CPNE4: variants seen among roughly 807,000 people sequenced by gnomAD.
CPNE4 encodes the protein copine 4, also known as copine-4.
Under a neutral mutation model 67.9 loss-of-function variants are expected in CPNE4, and 25 were observed. The ratio of observed to expected loss-of-function variants is 0.37; its 90% confidence interval spans 0.27 to 0.51. CPNE4 has a LOEUF of 0.51. Ranked by LOEUF, CPNE4 falls within the 20% of genes least tolerant of loss-of-function variation. The pLI is 0.93. For synonymous variants in CPNE4, 242 were observed against 244.9 expected, an observed-to-expected ratio of 0.99 and a Z score of 0.11; for missense variants, 464 against 690.8, an observed-to-expected ratio of 0.67 and a Z score of 3.68.
At position 131,740,224 on chromosome 3, in the gene CPNE4, A is replaced by G. The variant is rs1311179086; in HGVS notation, c.181-16599T>C. Among the ~76,000 whole-genome samples the G allele has an allele frequency of 2.0e-5, 3 of 152,308 alleles. 1 individual carries two copies. Among genetic ancestry groups the G allele is most frequent in the Admixed American group, 1.3e-4 (2 of 15,290 alleles). Reference sequence around the variant, plus strand: ...GTCTTGTCTCAGGCAGGAACTCCTCATCTATGTATAAGGAAATGTCTGTGT... The same window carrying G: ...GTCTTGTCTCAGGCAGGAACTCCTCGTCTATGTATAAGGAAATGTCTGTGT... On this transcript the variant is annotated intron_variant, in intron 2 of 15. Coordinates refer to ENST00000429747, the MANE Select transcript of CPNE4 (RefSeq NM_130808.3).
At chr3:131,825,488 T>G (rs1308684263) in intron 2 of CPNE4, among the ~76,000 whole-genome samples, 2 of 130,964 alleles carry the variant, frequency 1.5e-5, no homozygotes, top group Admixed American at 8.2e-5. Context: ...AGAGCGAGAC[T>G]CCGTCAAAAA....
chr3:131,767,900 T>C (rs2083063970), intron 2 of CPNE4, among the ~76,000 whole-genome samples: 1 of 152,110 alleles, frequency 6.6e-6, no homozygotes, highest in South Asian at 2.1e-4. Context: ...GGAAACCAAG[T>C]ATCCAATTTC....
At chr3:131,622,370 T>C (rs1940521398) in intron 7 of CPNE4, among the ~76,000 whole-genome samples, 1 of 152,208 alleles carries the variant, frequency 6.6e-6, no homozygotes, top group African/African-American at 2.4e-5. Flanking sequence ...CAGTTATCAA[T>C]AAATTAGAAT....
chr3:132,039,155 A>G (rs1332461893), upstream of CPNE4, among the ~76,000 whole-genome samples: 1 of 152,252 alleles, frequency 6.6e-6, no homozygotes, highest in African/African-American at 2.4e-5. Context: ...TTTGTTATAT[A>G]GCACTGATCT....
chr3:131,562,255 G>A (rs146867793), intron 11 of CPNE4, among the ~76,000 whole-genome samples: 39 of 152,128 alleles, frequency 2.6e-4, no homozygotes, highest in Non-Finnish European at 4.6e-4. Flanking sequence ...TATAGTCTCT[G>A]CATTTTGCAT....
chr3:132,028,691 C>G (rs1370274326), intron 1 of CPNE4, among the ~76,000 whole-genome samples: 1 of 152,070 alleles, frequency 6.6e-6, no homozygotes, highest in East Asian at 1.9e-4. Context: ...ATTTTATTTT[C>G]TCTTCTTATA....
chr3:132,032,987 A>G (rs2074268267), intron 1 of CPNE4, among the ~76,000 whole-genome samples: 1 of 152,230 alleles, frequency 6.6e-6, no homozygotes, highest in South Asian at 2.1e-4. Context: ...GTGTCATAGG[A>G]CGGTGGGTGT....
chr3:131,998,962 T>C (rs1366421196), intron 1 of CPNE4, among the ~76,000 whole-genome samples: 1 of 152,034 alleles, frequency 6.6e-6, no homozygotes, highest in East Asian at 1.9e-4. Flanking sequence ...TGAGAAATGC[T>C]ATGCAGCTAA....
rs1583341035 is a variant in CPNE4, at chr3:131,858,756, C to T, written c.180+46508G>A. ...TTAGCAGCAAATGGAGCAAAACACA[C>T]CTAGGAGTTGTGGCTATAAGGCAAT... On this transcript the variant is annotated intron_variant, in intron 2 of 15. Coordinates refer to ENST00000429747, the MANE Select transcript of CPNE4 (RefSeq NM_130808.3). Among the ~76,000 whole-genome samples the T allele has an allele frequency of 2.6e-5, 4 of 152,212 alleles. No individual in the cohort carries two copies. In the East Asian group the frequency reaches 7.7e-4, roughly 29 times the overall value.
chr3:131,631,995 G>A (rs1432131771), intron 7 of CPNE4, among the ~76,000 whole-genome samples: 1 of 150,546 alleles, frequency 6.6e-6, no homozygotes, highest in Non-Finnish European at 1.5e-5. Context: ...TGAGGCACAA[G>A]AGGGAGGCTG....
intron 6 of CPNE4, among the ~76,000 whole-genome samples, chr3:131,679,263 G>A (rs1334407737): frequency 1.3e-5 from 2 of 151,844 alleles, no homozygotes; most frequent in Non-Finnish European, 1.5e-5. Context: ...TAGTTCTGTG[G>A]GGTCAGTGGT....
intron 2 of CPNE4, among the ~76,000 whole-genome samples, chr3:131,824,570 T>G (rs1297625599): frequency 6.6e-6 from 1 of 152,208 alleles, no homozygotes; most frequent in East Asian, 1.9e-4. Flanking sequence ...GGTCTTTTAA[T>G]GTTTCTGGGT....
chr3:131,682,224 T>G (rs1223236242), intron 6 of CPNE4, among the ~76,000 whole-genome samples: 1 of 151,828 alleles, frequency 6.6e-6, no homozygotes, highest in Non-Finnish European at 1.5e-5. Context: ...TATTGAAGAT[T>G]TATATATTTA....
At chr3:131,703,238 C>G (rs1477194789) in intron 3 of CPNE4, among the ~76,000 whole-genome samples, 1 of 152,220 alleles carries the variant, frequency 6.6e-6, no homozygotes, top group Non-Finnish European at 1.5e-5. Context: ...ACCCTGGCTT[C>G]AGCTGACATT....
intron 2 of CPNE4, among the ~76,000 whole-genome samples, chr3:131,825,429 G>A (rs1042635116): frequency 6.6e-6 from 1 of 151,766 alleles, no homozygotes; most frequent in East Asian, 1.9e-4. Flanking sequence ...GGGAGGCAGA[G>A]GTTGCAGTGA....
chr3:131,701,618 A>T (rs915209027), intron 3 of CPNE4, among the ~76,000 whole-genome samples: 4 of 152,194 alleles, frequency 2.6e-5, no homozygotes, highest in Admixed American at 6.5e-5. Flanking sequence ...CCATGTGGCA[A>T]GAAACTGAAG....
At chr3:131,949,029 A>G (rs2071642129) in intron 1 of CPNE4, among the ~76,000 whole-genome samples, 1 of 152,172 alleles carries the variant, frequency 6.6e-6, no homozygotes. Flanking sequence ...CATTCACAAA[A>G]CTTCTTTAAA....
At chr3:131,924,161 T>C (rs1283066249) in intron 1 of CPNE4, among the ~76,000 whole-genome samples, 2 of 152,208 alleles carry the variant, frequency 1.3e-5, no homozygotes, top group African/African-American at 4.8e-5. Flanking sequence ...ATCAGAAGTA[T>C]AGCTAACGAT....
intron 2 of CPNE4, among the ~76,000 whole-genome samples, chr3:131,756,643 G>A (rs2082757450): frequency 6.6e-6 from 1 of 152,218 alleles, no homozygotes; most frequent in African/African-American, 2.4e-5. Context: ...ACACCTAAGG[G>A]GCTCCAGTTG....
Sources: gnomAD v4.1 joint callset for allele counts (sites outside exome capture counted in the v4.1 genomes callset) on GRCh38, gnomAD v4.1.1 for gene constraint, MANE v1.5 for transcripts, NCBI Gene and HGNC (gene_info 2026-07-23, HGNC 2026-07-21) for gene names.